The following MED6 variants were observed in gnomAD, a reference collection of about 807,000 sequenced individuals.
The protein encoded by MED6 is mediator of RNA polymerase II transcription subunit 6.
A neutral mutation model predicts 37.5 loss-of-function variants in MED6; 33 were observed. That is an observed-to-expected ratio of 0.88 (90% CI 0.67 to 1.18). The LOEUF is 1.18. MED6 is among the 50% of genes most tolerant of loss of function. MED6 has a pLI of 0.00. For synonymous variants in MED6, 94 were observed against 93.6 expected (o/e 1.00, Z -0.02); for missense variants, 235 against 290.6 (o/e 0.81, Z 1.39).
intron 3 of MED6, chr14:70,595,118 A>T: frequency 1.9e-6 from 1 of 522,292 alleles, no homozygotes; most frequent in Non-Finnish European, 3.7e-6. Context: ...TGCAAGGTCA[A>T]TGACACCAGT....
At chr14:70,596,755 T>A (rs1320258735) in intron 2 of MED6, 53 bp from the exon 3 acceptor site, 1 of 1,215,022 alleles carries the variant, frequency 8.2e-7, no homozygotes, top group African/African-American at 1.5e-5. Flanking sequence ...ACAAATAATT[T>A]TATAAGACAT....
chr14:70,583,924 G>C lies in MED6; in HGVS notation c.*889C>G, dbSNP rs1884620413. On this transcript the variant is annotated 3_prime_UTR_variant, in exon 8 of 8. Transcript: ENST00000256379. ...CCCTCACCAGATGGAGCCAATCAAT[G>C]CTGGACTTCTCAGCCTCCATAACTT... is the stretch of plus-strand genomic sequence containing the variant. 1 of 433,546 alleles carries C rather than the reference G, an allele frequency of 2.3e-6. No homozygotes were observed. Among genetic ancestry groups the C allele is most frequent in the East Asian group, 3.4e-5 (1 of 29,402 alleles). The allele number at this position is 433,546 out of a possible 1,614,324, so 26.9% of individuals were successfully genotyped here.
In MED6 at chr14:70,599,271, AAGG is replaced by A. The variant is rs776269432; in HGVS notation, c.22+1342_22+1344del. Among the ~76,000 whole-genome samples, 18 of 152,340 alleles carry A rather than the reference AAGG, an allele frequency of 1.2e-4. No individual in the cohort carries two copies. The East Asian group carries it at 1.9e-3, about 16-fold the overall frequency. ...AATGTACTTTGTGTGCTATAAAATA[AAGG>A]AGGAGACAGATGAAGTGCGTTAATA... On this transcript the variant is annotated intron_variant, in intron 1 of 7. Transcript: ENST00000256379.
At chr14:70,589,364 C>G (rs981712059) in intron 6 of MED6, among the ~76,000 whole-genome samples, 6 of 152,148 alleles carry the variant, frequency 3.9e-5, no homozygotes, top group African/African-American at 1.2e-4. Flanking sequence ...AGCATCCCCC[C>G]CATACTGTTA....
intron 6 of MED6, among the ~76,000 whole-genome samples, chr14:70,590,969 A>G (rs1021447464): frequency 1.3e-5 from 2 of 152,232 alleles, no homozygotes; most frequent in Non-Finnish European, 2.9e-5. Flanking sequence ...TTCATATTCT[A>G]GTTTTGTTAC....
rs578089541 is a variant in MED6, at chr14:70,587,962, C to G, written c.583-2179G>C. Among the ~76,000 whole-genome samples, 6 of 152,328 alleles carry G rather than the reference C, an allele frequency of 3.9e-5. 2 individuals are homozygous for G. The South Asian group carries it at 1.2e-3, about 32-fold the overall frequency. On this transcript the variant is annotated intron_variant, in intron 6 of 7. Transcript: ENST00000256379. The stretch of plus-strand genomic sequence containing the variant: ...CAATATTCTCCTGAACATCCCCTTA[C>G]AGGGGCAACATCCCTGGGTACCACA...
In MED6 at chr14:70,584,886, T is replaced by C; in HGVS notation, c.668A>G (p.Lys223Arg). The C allele has an allele frequency of 6.2e-7, 1 of 1,614,160 alleles. No individual in the cohort carries two copies. The highest frequency in any genetic ancestry group is 8.5e-7 in the Non-Finnish European group (1 of 1,179,974). Residue 223 changes from lysine (K) to arginine (R), a missense_variant, in exon 8 of 8, where the codon AAG (lysine) becomes AGG (arginine). Transcript: ENST00000256379. ...PIPETVKPEE[K>R]ETTKNVQQTV... The stretch of plus-strand genomic sequence containing the variant: ...CTGTTGTACATTCTTTGTGGTCTCC[T>C]TCTCCTCAGGTTTTACAGTTTCTGG...
In MED6 at chr14:70,592,891, T is replaced by A; in HGVS notation, c.455A>T (p.His152Leu). Reference protein sequence around the residue: ...SKGYWWHFKDHEEQDKVRPKA... With the variant: ...SKGYWWHFKDLEEQDKVRPKA... The stretch of plus-strand genomic sequence containing the variant: ...GATGTTCTACTTACCTTGCTCTTCA[T>A]GATCTTTGAAGTGCCACCAATACCC... Residue 152 changes from histidine (H) to leucine (L), a missense_variant, in exon 5 of 8, where the codon CAT (histidine) becomes CTT (leucine). Coordinates refer to ENST00000256379, the MANE Select transcript of MED6 (RefSeq NM_005466.4). 1.2e-6 allele frequency: 2 copies of A among 1,613,870 alleles called. No homozygotes were observed. The highest frequency in any genetic ancestry group is 1.7e-4 in the Middle Eastern group (1 of 6,060).
chr14:70,599,207 A>T (rs980015055), intron 1 of MED6, among the ~76,000 whole-genome samples: 1 of 152,210 alleles, frequency 6.6e-6, no homozygotes, highest in African/African-American at 2.4e-5. Flanking sequence ...GGCAGTTTTG[A>T]GCCAAGTGAC....
chr14:70,592,156 T>C (rs899760521), intron 5 of MED6, among the ~76,000 whole-genome samples: 1 of 152,228 alleles, frequency 6.6e-6, no homozygotes, highest in Admixed American at 6.5e-5. Context: ...TCTGACTTGC[T>C]ATTTCTCAGA....
chr14:70,588,593 C>T (rs910629524), intron 6 of MED6, among the ~76,000 whole-genome samples: 1 of 151,274 alleles, frequency 6.6e-6, no homozygotes, highest in African/African-American at 2.4e-5. Flanking sequence ...GGCTGAGGCA[C>T]GAGAATGGCG....
chr14:70,598,797 GCC>G (rs1885120224), intron 1 of MED6, among the ~76,000 whole-genome samples: 1 of 151,936 alleles, frequency 6.6e-6, no homozygotes, highest in Non-Finnish European at 1.5e-5. Context: ...TAACATGTAT[GCC>G]CAAGAGAACA....
intron 2 of MED6, 55 bp downstream of exon 2, chr14:70,597,563 T>C (rs1295525667): frequency 2.2e-6 from 3 of 1,366,340 alleles, no homozygotes; most frequent in Non-Finnish European, 2.9e-6. Context: ...TTGAAAGAAC[T>C]GTTCATTGCA....
At chr14:70,586,335 G>T (rs1414845198) in intron 6 of MED6, among the ~76,000 whole-genome samples, 1 of 152,104 alleles carries the variant, frequency 6.6e-6, no homozygotes, top group South Asian at 2.1e-4. Context: ...ACAAGGTCAG[G>T]TCCTTCACTC....
chr14:70,585,698 G>A lies in MED6; in HGVS notation c.610+58C>T, dbSNP rs1042189196. ...CATTTCACATGCTATACTTGTGATT[G>A]ATTTACAAGCTGTTTGACCTTATTT... On this transcript the variant is annotated intron_variant, in intron 7 of 7. Transcript: ENST00000256379. 3 of 1,458,632 alleles carry A rather than the reference G, an allele frequency of 2.1e-6. No individual in the cohort carries two copies. In the African/African-American group the frequency reaches 4.3e-5, roughly 21 times the overall value. The allele number at this position is 1,458,632 out of a possible 1,614,324, so 90.4% of individuals were successfully genotyped here. A position where few individuals can be genotyped will look rare whatever the true frequency, so the allele number is the denominator to read the frequency against.
Position 70,583,754 on chromosome 14 carries a change from A to C in MED6, c.*1059T>G, listed in dbSNP as rs1884614576. 1 of 209,268 alleles carries C rather than the reference A, an allele frequency of 4.8e-6. No homozygotes were observed. Among genetic ancestry groups the C allele is most frequent in the African/African-American group, 2.3e-5 (1 of 43,898 alleles). The allele number at this position is 209,268 out of a possible 1,614,324, so 13.0% of individuals were successfully genotyped here. A position where few individuals can be genotyped will look rare whatever the true frequency, so the allele number is the denominator to read the frequency against. ...ATAAACATGGGGAAAAGCTTACAAC[A>C]GATATAATAAAGTAAAATTGTACGA... is the stretch of plus-strand genomic sequence containing the variant. On this transcript the variant is annotated 3_prime_UTR_variant, in exon 8 of 8. Coordinates refer to ENST00000256379, the MANE Select transcript of MED6 (RefSeq NM_005466.4).
chr14:70,593,069 A>G (rs1432811809), intron 4 of MED6, 81 bp from the exon 5 acceptor site: 1 of 1,561,140 alleles, frequency 6.4e-7, no homozygotes, highest in Non-Finnish European at 8.7e-7. Flanking sequence ...AATATTACAT[A>G]TGCAAAGACA....
chr14:70,593,889 G>T (rs557286341), intron 3 of MED6, among the ~76,000 whole-genome samples: 3 of 152,238 alleles, frequency 2.0e-5, no homozygotes, highest in East Asian at 1.9e-4. Context: ...CCCAGTGCTG[G>T]GTCCTAAGGA....
At chr14:70,592,365 T>C (rs917480460) in intron 5 of MED6, 2 of 152,602 alleles carry the variant, frequency 1.3e-5, no homozygotes, top group Admixed American at 6.5e-5. Context: ...TCTCATCTCC[T>C]CTGCTTTGAA....
Sources: gnomAD v4.1 joint callset for allele counts (sites outside exome capture counted in the v4.1 genomes callset) on GRCh38, gnomAD v4.1.1 for gene constraint, MANE v1.5 for transcripts, NCBI Gene and HGNC (gene_info 2026-07-23, HGNC 2026-07-21) for gene names.